ACACA: variants seen among roughly 807,000 people sequenced by gnomAD.
ACACA encodes the protein acetyl-CoA carboxylase alpha.
ACACA carries 103 observed loss-of-function variants against 296.1 expected under a neutral mutation model. The observed-to-expected ratio is 0.35, with a 90% CI of 0.30 to 0.41. The LOEUF (loss-of-function observed/expected upper bound fraction) is 0.41, where lower values mean the gene tolerates loss of function less well. Ranked by LOEUF, ACACA falls within the 10% of genes least tolerant of loss-of-function variation. The pLI is 1.00. For synonymous variants in ACACA, 953 were observed against 1,038.6 expected (o/e 0.92, Z 1.58); for missense variants, 1,554 against 2,989.7 (o/e 0.52, Z 11.20).
At chr17:37,331,355 G>A (rs763159209) in intron 2 of ACACA, among the ~76,000 whole-genome samples, 8 of 151,074 alleles carry the variant, frequency 5.3e-5, no homozygotes, top group Non-Finnish European at 8.8e-5. Flanking sequence ...CTGACCTTCC[G>A]CCTCAGCCTC....
rs1598185646 is a variant in ACACA at position 37,210,481 on chromosome 17, G to A, written c.3693C>T (p.Ile1231=). 6.2e-7 allele frequency: 1 copy of A among 1,612,590 alleles called. No homozygotes were observed. The highest frequency in any genetic ancestry group is 8.5e-7 in the Non-Finnish European group (1 of 1,178,860). ...ACATACGGTACCTGTTTAGCGTAGG[G>A]ATGTTCCCTCTGTAATTAAACAACC... is the stretch of plus-strand genomic sequence containing the variant. ...LPTSHPNRGN[I]PTLNRMSFSS... The change falls in exon 30 of 56, where the codon ATC becomes ATT. Residue 1231 remains isoleucine (I), a synonymous_variant. Coordinates refer to ENST00000616317, the MANE Select transcript of ACACA (RefSeq NM_198834.3).
intron 1 of ACACA, among the ~76,000 whole-genome samples, chr17:37,381,788 C>T (rs1176992408): frequency 1.3e-5 from 2 of 151,752 alleles, no homozygotes; most frequent in Non-Finnish European, 2.9e-5. Context: ...CCACCACACC[C>T]AGTTAATTTT....
chr17:37,265,197 A>C (rs1567907870), intron 10 of ACACA, among the ~76,000 whole-genome samples: 1 of 152,234 alleles, frequency 6.6e-6, no homozygotes, highest in Non-Finnish European at 1.5e-5. Context: ...CTAAGATTCA[A>C]GGGGTAGGGA....
chr17:37,290,101 G>A (rs2082975278), intron 3 of ACACA, among the ~76,000 whole-genome samples: 1 of 152,076 alleles, frequency 6.6e-6, no homozygotes, highest in African/African-American at 2.4e-5. Flanking sequence ...AGGCTGGAGT[G>A]CAGTGGTCCA....
chr17:37,316,175 C>G (rs2047076823), intron 3 of ACACA, among the ~76,000 whole-genome samples: 1 of 152,104 alleles, frequency 6.6e-6, no homozygotes, highest in Non-Finnish European at 1.5e-5. Flanking sequence ...CCGGCCTCTT[C>G]TTTTGCACCA....
intron 1 of ACACA, among the ~76,000 whole-genome samples, chr17:37,358,735 G>C (rs2049263490): frequency 6.6e-6 from 1 of 152,148 alleles, no homozygotes. Context: ...GAGGAGCCCT[G>C]AACTGTACGC....
Position 37,319,724 on chromosome 17 carries a change from G to A in ACACA, c.338+10449C>T, listed in dbSNP as rs573132628. 6.6e-5 allele frequency among the ~76,000 whole-genome samples: 10 copies of A among 152,144 alleles called. No homozygotes were observed. The East Asian group carries it at 1.4e-3, about 21-fold the overall frequency. ...TCCCAGCATTTTGGGAGGCCAAGGT[G>A]GGTGGATCACGATGTCAGGAGTTCA... On this transcript the variant is annotated intron_variant, in intron 3 of 55. Coordinates refer to ENST00000616317, the MANE Select transcript of ACACA (RefSeq NM_198834.3).
Position 37,263,265 on chromosome 17 carries a change from A to T in ACACA, c.1329+420T>A, listed in dbSNP as rs191476077. Among the ~76,000 whole-genome samples, 923 of 152,306 alleles carry T rather than the reference A, an allele frequency of 6.1e-3. 10 individuals are homozygous for T. Among genetic ancestry groups the T allele is most frequent in the African/African-American group, 0.021 (860 of 41,570 alleles). The stretch of plus-strand genomic sequence containing the variant: ...ACTACTTTCTATACAAAAAGATAGA[A>T]TGTGTGAACTCTGAAGATATTTAGA... On this transcript the variant is annotated intron_variant, in intron 11 of 55. Coordinates refer to ENST00000616317, the MANE Select transcript of ACACA (RefSeq NM_198834.3).
In ACACA at chr17:37,330,257, G is replaced by A. The variant is rs534490482; in HGVS notation, c.254C>T (p.Ser85Phe). ...TGAGCCAACAGAAGCAGGTGACAAG[G>A]AGCCCTCCTTCTCCTCCAGTAGGTC... ...KLDLLEEKEG[S>F]LSPASVGSDT... The change falls in exon 3 of 56, where the codon TCC becomes TTC. Residue 85 changes from serine to phenylalanine, a missense_variant. Coordinates refer to ENST00000616317, the MANE Select transcript of ACACA (RefSeq NM_198834.3). 6 of 1,614,164 alleles carry A rather than the reference G, an allele frequency of 3.7e-6. No individual in the cohort carries two copies. In the South Asian group the frequency reaches 4.4e-5, roughly 12 times the overall value.
intron 1 of ACACA, among the ~76,000 whole-genome samples, chr17:37,397,405 A>C (rs773848759): frequency 6.6e-6 from 1 of 152,176 alleles, no homozygotes; most frequent in South Asian, 2.1e-4. Flanking sequence ...GATACTAAAA[A>C]TATTTGTTGA....
At chr17:37,099,574 C>A (rs111289880) in intron 52 of ACACA, among the ~76,000 whole-genome samples, 6,397 of 78,266 alleles carry the variant, frequency 0.082, 16 homozygotes, top group African/African-American at 0.19. Flanking sequence ...GGGCTGATGG[C>A]GGGAGGGCTG....
At chr17:37,314,260 C>T (rs1207179702) in intron 3 of ACACA, among the ~76,000 whole-genome samples, 2 of 151,780 alleles carry the variant, frequency 1.3e-5, no homozygotes, top group African/African-American at 2.4e-5. Context: ...CCACCATGCA[C>T]GGCTAATTTT....
intron 1 of ACACA, among the ~76,000 whole-genome samples, chr17:37,390,208 T>C (rs1198367247): frequency 1.2e-5 from 1 of 80,344 alleles, no homozygotes; most frequent in East Asian, 3.4e-4. Context: ...TATATATAAT[T>C]ATATATTTAT....
At chr17:37,232,498 G>A (rs2145820229) in intron 25 of ACACA, among the ~76,000 whole-genome samples, 1 of 152,256 alleles carries the variant, frequency 6.6e-6, no homozygotes, top group Non-Finnish European at 1.5e-5. Flanking sequence ...GAGAGGAGGA[G>A]GGAGAGGAAG....
intron 35 of ACACA, among the ~76,000 whole-genome samples, chr17:37,198,811 T>C (rs1205645983): frequency 6.6e-6 from 1 of 152,228 alleles, no homozygotes; most frequent in East Asian, 1.9e-4. Flanking sequence ...CTTGAAAACC[T>C]AATAAACAAA....
At chr17:37,362,666 C>T (rs1359870922) in intron 1 of ACACA, among the ~76,000 whole-genome samples, 1 of 152,138 alleles carries the variant, frequency 6.6e-6, no homozygotes, top group African/African-American at 2.4e-5. Flanking sequence ...CACTAACCAC[C>T]TGATGAAACA....
chr17:37,268,711 CTA>C (rs1247449741), intron 10 of ACACA, among the ~76,000 whole-genome samples: 10 of 127,712 alleles, frequency 7.8e-5, no homozygotes, highest in African/African-American at 2.2e-4. Flanking sequence ...ATATCTATAT[CTA>C]TATCTATCTA....
chr17:37,230,396 AAATAAAT>A (rs2079803427), intron 25 of ACACA, among the ~76,000 whole-genome samples: 2 of 135,436 alleles, frequency 1.5e-5, no homozygotes, highest in African/African-American at 6.2e-5. Flanking sequence ...AAAAATAAAT[AAATAAAT>A]AAATAAATAA....
intron 35 of ACACA, among the ~76,000 whole-genome samples, chr17:37,198,498 T>C (rs1466002661): frequency 6.6e-6 from 1 of 152,240 alleles, no homozygotes; most frequent in Non-Finnish European, 1.5e-5. Flanking sequence ...CCACAGTGTT[T>C]ATCCATGGGC....
Sources: allele counts gnomAD v4.1 joint callset (sites outside exome capture counted in the v4.1 genomes callset), GRCh38; gene constraint gnomAD v4.1.1; transcripts MANE v1.5; gene names NCBI Gene and HGNC (gene_info 2026-07-23, HGNC 2026-07-21).